TRNAU1AP: variants seen among roughly 807,000 people sequenced by gnomAD.
TRNAU1AP encodes tRNA selenocysteine 1 associated protein 1.
A neutral mutation model predicts 43.3 loss-of-function variants in TRNAU1AP; 33 were observed. That is an observed-to-expected ratio of 0.76 (90% CI 0.58 to 1.02). The LOEUF (loss-of-function observed/expected upper bound fraction) is 1.02, where lower values mean the gene tolerates loss of function less well. Among genes scored for constraint, TRNAU1AP ranks in the 50% least tolerant of loss-of-function variants. The pLI is 0.00. For synonymous variants in TRNAU1AP, 143 were observed against 129.1 expected, an observed-to-expected ratio of 1.11 and a Z score of -0.73; for missense variants, 290 against 362.7, an observed-to-expected ratio of 0.80 and a Z score of 1.63.
chr1:28,561,544 T>A, intron 4 of TRNAU1AP, 146 bp downstream of exon 4: 2 of 908,616 alleles, frequency 2.2e-6, no homozygotes, highest in South Asian at 1.5e-5. Context: ...TGGACCTTCC[T>A]GGTGTGCTTC....
chr1:28,561,220 A>T, intron 3 of TRNAU1AP, 126 bp from the exon 4 acceptor site: 1 of 1,494,672 alleles, frequency 6.7e-7, no homozygotes, highest in Non-Finnish European at 8.9e-7. Context: ...TATACAGGAG[A>T]AAAAGCTGAG....
chr1:28,577,589 T>C lies in TRNAU1AP; in HGVS notation c.817T>C (p.Trp273Arg). ...GTATGACGCTCTGATGGACTGTCAC[T>C]GGCAGCCCCTGGACACAGTGTCTTC... ...ELYDALMDCH[W>R]QPLDTVSSEI... Residue 273 changes from tryptophan (W) to arginine (R), a missense_variant, in exon 9 of 9, where the codon TGG becomes CGG. This residue lies in a region of TRNAU1AP where 57 missense variants were observed against 55.1 expected (regional missense o/e 1.03). Transcript: ENST00000373830. The C allele has an allele frequency of 6.2e-7, 1 of 1,614,198 alleles. No individual in the cohort carries two copies. The highest frequency in any genetic ancestry group is 8.5e-7 in the Non-Finnish European group (1 of 1,180,034).
chr1:28,567,038 C>T (rs189587121), intron 5 of TRNAU1AP, among the ~76,000 whole-genome samples: 25 of 152,266 alleles, frequency 1.6e-4, no homozygotes, highest in African/African-American at 3.4e-4. Flanking sequence ...GTGAAGGTGT[C>T]GAGGAGGATG....
chr1:28,571,786 A>AAAAAAAAAAAAAT, intron 7 of TRNAU1AP, 81 bp from the exon 8 acceptor site: 2 of 1,008,556 alleles, frequency 2.0e-6, no homozygotes, highest in South Asian at 2.7e-5. Context: ...CCACCTCAAA[A>AAAAAAAAAAAAAT]AAAATAAAAA....
At chr1:28,559,132 C>T (rs530600092) in intron 2 of TRNAU1AP, among the ~76,000 whole-genome samples, 93 of 151,676 alleles carry the variant, frequency 6.1e-4, no homozygotes, top group African/African-American at 2.2e-3. Context: ...AGTGCAGTGG[C>T]GCGATCTCGG....
chr1:28,571,786 A>AAAAAATAAAAAAAATAAAAT, intron 7 of TRNAU1AP, 81 bp from the exon 8 acceptor site: 2 of 1,008,568 alleles, frequency 2.0e-6, no homozygotes. Context: ...CCACCTCAAA[A>AAAAAATAAAAAAAATAAAAT]AAAATAAAAA....
chr1:28,555,128 G>A (rs1665229666), intron 2 of TRNAU1AP, among the ~76,000 whole-genome samples: 1 of 151,720 alleles, frequency 6.6e-6, no homozygotes, highest in African/African-American at 2.4e-5. Context: ...TACCTGGGAG[G>A]CTGAGGCAGG....
At chr1:28,575,469 T>C (rs897904460) in intron 8 of TRNAU1AP, among the ~76,000 whole-genome samples, 1 of 151,198 alleles carries the variant, frequency 6.6e-6, no homozygotes, top group Non-Finnish European at 1.5e-5. Context: ...TTTTTTGTTT[T>C]TTTTTTTTTT....
chr1:28,563,725 G>C (rs1413845707), intron 4 of TRNAU1AP, among the ~76,000 whole-genome samples: 2 of 151,470 alleles, frequency 1.3e-5, no homozygotes, highest in Non-Finnish European at 2.9e-5. Context: ...AGTGGCATGT[G>C]CCTGTAGTCC....
At chr1:28,570,518 G>A (rs1197273396) in intron 6 of TRNAU1AP, among the ~76,000 whole-genome samples, 2 of 151,552 alleles carry the variant, frequency 1.3e-5, no homozygotes, top group Non-Finnish European at 2.9e-5. Context: ...AAAGTGTTGG[G>A]ATTACAGGTG....
chr1:28,560,568 G>T (rs1441792108), intron 2 of TRNAU1AP, 65 bp from the exon 3 acceptor site: 2 of 1,363,986 alleles, frequency 1.5e-6, no homozygotes, highest in Non-Finnish European at 2.1e-6. Flanking sequence ...GAGCCATCAC[G>T]CCTGGCCTCA....
intron 2 of TRNAU1AP, among the ~76,000 whole-genome samples, 187 bp from the exon 3 acceptor site, chr1:28,560,446 C>A (rs1419507225): frequency 6.6e-6 from 1 of 151,948 alleles, no homozygotes; most frequent in Non-Finnish European, 1.5e-5. Context: ...CATGCCCAGC[C>A]AATTTTTGTA....
At chr1:28,553,247 G>A in intron 1 of TRNAU1AP, 110 bp downstream of exon 1, 1 of 1,204,424 alleles carries the variant, frequency 8.3e-7, no homozygotes, top group Non-Finnish European at 1.1e-6. Flanking sequence ...GGGGAGACGT[G>A]TGACGGGGGT....
intron 2 of TRNAU1AP, among the ~76,000 whole-genome samples, chr1:28,557,550 G>A (rs528550297): frequency 1.4e-5 from 2 of 147,172 alleles, no homozygotes; most frequent in Non-Finnish European, 3.0e-5. Context: ...TTTTCCTTGG[G>A]TCTTATCTTT....
intron 8 of TRNAU1AP, 65 bp downstream of exon 8, chr1:28,571,965 G>C: frequency 7.2e-7 from 1 of 1,380,772 alleles, no homozygotes; most frequent in South Asian, 1.2e-5. Context: ...CTGGCACTGT[G>C]CTCTCAGCTA....
rs1170787673 is a variant in TRNAU1AP at position 28,554,568 on chromosome 1, G to A, written c.125+831G>A. On this transcript the variant is annotated intron_variant, in intron 2 of 8. Coordinates refer to ENST00000373830, the MANE Select transcript of TRNAU1AP (RefSeq NM_017846.5). The stretch of plus-strand genomic sequence containing the variant: ...GAAGAGTTACAATAAATAGCCGGGC[G>A]CAGTGGCTCTCGCCTGTAATCCTAG... 2.6e-5 allele frequency among the ~76,000 whole-genome samples: 4 copies of A among 152,074 alleles called. No homozygotes were observed. In the East Asian group the frequency reaches 7.7e-4, roughly 29 times the overall value.
At position 28,553,150 on chromosome 1, in the gene TRNAU1AP, A is replaced by C. The variant is rs1213320781; in HGVS notation, c.27+13A>C. ...GTGGATGGGCGACGTGAGTGAGGGC[A>C]GCCGTCCGGGGTCTGAAGACAAGGA... On this transcript the variant is annotated intron_variant, in intron 1 of 8. Coordinates refer to ENST00000373830, the MANE Select transcript of TRNAU1AP (RefSeq NM_017846.5). The C allele has an allele frequency of 3.3e-6, 5 of 1,517,614 alleles. No homozygotes were observed. In the African/African-American group the frequency reaches 4.2e-5, roughly 13 times the overall value. 94.0% of individuals were successfully genotyped at this position (1,517,614 alleles called of 1,614,324 possible). A position where few individuals can be genotyped will look rare whatever the true frequency, so the allele number is the denominator to read the frequency against.
rs770990090 is a variant in TRNAU1AP, at chr1:28,560,628, T to TC, written c.126-3dup. The TC allele has an allele frequency of 4.3e-6, 7 of 1,612,934 alleles. No individual in the cohort carries two copies. Among genetic ancestry groups the TC allele is most frequent in the Non-Finnish European group, 5.9e-6 (7 of 1,179,334 alleles). Reference sequence around the variant, plus strand: ...ATTTTCTTTCTCTATTTGCTTTTTTTCCAGGATCCCAGCTGGCTACTGCTT... The same window carrying TC: ...ATTTTCTTTCTCTATTTGCTTTTTTTCCCAGGATCCCAGCTGGCTACTGCTT... On this transcript the variant is annotated splice_polypyrimidine_tract_variant and splice_region_variant and intron_variant, in intron 2 of 8. Transcript: ENST00000373830.
intron 8 of TRNAU1AP, among the ~76,000 whole-genome samples, 163 bp downstream of exon 8, chr1:28,572,063 G>C (rs1039987291): frequency 6.6e-6 from 1 of 152,152 alleles, no homozygotes; most frequent in Non-Finnish European, 1.5e-5. Flanking sequence ...AAGATGTGTC[G>C]GGTGTTACCC....
Sources: gnomAD v4.1 joint callset for allele counts (sites outside exome capture counted in the v4.1 genomes callset) on GRCh38, gnomAD v4.1.1 for gene constraint, gnomAD v4.1.1 regional missense constraint, MANE v1.5 for transcripts, NCBI Gene and HGNC (gene_info 2026-07-23, HGNC 2026-07-21) for gene names.